FLRT2: variants seen among roughly 807,000 people sequenced by gnomAD.
FLRT2 encodes fibronectin leucine rich transmembrane protein 2.
FLRT2 carries 15 observed loss-of-function variants against 40.0 expected under a neutral mutation model. The observed-to-expected ratio is 0.38, with a 90% CI of 0.25 to 0.58. The LOEUF is 0.58. FLRT2 is among the 20% of genes least tolerant of loss of function. FLRT2 has a pLI of 0.71. For synonymous variants in FLRT2, 380 were observed against 336.8 expected (o/e 1.13, Z -1.41); for missense variants, 726 against 840.0 (o/e 0.86, Z 1.68).
At chr14:85,569,833 A>T (rs1890807625) in intron 1 of FLRT2, among the ~76,000 whole-genome samples, 1 of 152,230 alleles carries the variant, frequency 6.6e-6, no homozygotes, top group Admixed American at 6.5e-5. Flanking sequence ...CAAAAAAATG[A>T]TGACAAGTGT....
chr14:85,615,594 T>C (rs140608764), intron 1 of FLRT2, among the ~76,000 whole-genome samples: 3 of 147,808 alleles, frequency 2.0e-5, no homozygotes, highest in African/African-American at 7.6e-5. Flanking sequence ...TGAAGTTTAG[T>C]GAATGAGATA....
chr14:85,647,726 A>G lies in FLRT2; in HGVS notation c.*24229A>G, dbSNP rs888138794. The G allele has an allele frequency of 6.6e-6, 1 of 152,178 alleles. No individual in the cohort carries two copies. The highest frequency in any genetic ancestry group is 2.4e-5 in the African/African-American group (1 of 41,448). The allele number at this position is 152,178 out of a possible 1,614,324, so 9.4% of individuals were successfully genotyped here. ...TACAGAAACATCTCTAAGAACTTCCATGCTTTTTTGTCAAGTTAAATGGAC... is the reference window on the plus strand; with the variant it reads ...TACAGAAACATCTCTAAGAACTTCCGTGCTTTTTTGTCAAGTTAAATGGAC... On this transcript the variant is annotated 3_prime_UTR_variant, in exon 2 of 2. Transcript: ENST00000330753.
Position 85,609,110 on chromosome 14 carries a change from G to C in FLRT2, c.-376-12029G>C, listed in dbSNP as rs537706000. Among the ~76,000 whole-genome samples the C allele has an allele frequency of 2.9e-4, 44 of 152,226 alleles. No individual in the cohort carries two copies. The Middle Eastern group carries it at 0.014, about 47-fold the overall frequency. ...AGAGGCTTTGCACACAGACACCCCA[G>C]CTCTGCACTCCTCCTTCCCAATCCG... On this transcript the variant is annotated intron_variant, in intron 1 of 1. Coordinates refer to ENST00000330753, the MANE Select transcript of FLRT2 (RefSeq NM_013231.6).
In FLRT2 at chr14:85,653,841, G is replaced by A. The variant is rs2139414280; in HGVS notation, c.*30344G>A. On this transcript the variant is annotated 3_prime_UTR_variant, in exon 2 of 2. Transcript: ENST00000330753. ...TTAAAGACATTAAGAACTGAGCTGA[G>A]TAACAAACTTTCTAGAAATGAATGA... 6.6e-6 allele frequency: 1 copy of A among 152,256 alleles called. No homozygotes were observed. The highest frequency in any genetic ancestry group is 1.5e-5 in the Non-Finnish European group (1 of 68,012). 9.4% of individuals were successfully genotyped at this position (152,256 alleles called of 1,614,324 possible). A position where few individuals can be genotyped will look rare whatever the true frequency, so the allele number is the denominator to read the frequency against.
rs1403328608 is a variant in FLRT2, at chr14:85,642,547, T to TA, written c.*19054dup. 1 of 150,080 alleles carries TA rather than the reference T, an allele frequency of 6.7e-6. No individual in the cohort carries two copies. The highest frequency in any genetic ancestry group is 6.6e-5 in the Admixed American group (1 of 15,246). The allele number at this position is 150,080 out of a possible 1,614,324, so 9.3% of individuals were successfully genotyped here. A position where few individuals can be genotyped will look rare whatever the true frequency, so the allele number is the denominator to read the frequency against. ...GAAGTATAAACTGGGAAGAAAAGGC[T>TA]AAAATAACAACAAAAAAACGGCAAT... is the stretch of plus-strand genomic sequence containing the variant. On this transcript the variant is annotated 3_prime_UTR_variant, in exon 2 of 2. Transcript: ENST00000330753.
chr14:85,532,913 C>A (rs1054704231), intron 1 of FLRT2, among the ~76,000 whole-genome samples: 2 of 152,198 alleles, frequency 1.3e-5, no homozygotes, highest in African/African-American at 4.8e-5. Context: ...ATTCTCCTTT[C>A]AGGGTTCAGA....
intron 1 of FLRT2, among the ~76,000 whole-genome samples, chr14:85,533,335 C>T (rs1343883834): frequency 6.6e-6 from 1 of 151,868 alleles, no homozygotes; most frequent in Non-Finnish European, 1.5e-5. Flanking sequence ...AGCCCGGCCG[C>T]GTCGGATTGA....
chr14:85,575,546 AGGGTAGTCAGT>A (rs1035820654), intron 1 of FLRT2, among the ~76,000 whole-genome samples: 15 of 152,300 alleles, frequency 9.8e-5, no homozygotes, highest in African/African-American at 3.4e-4. Flanking sequence ...TCCCAGGCAA[AGGGTAGTCAGT>A]GGGGAAATGA....
intron 1 of FLRT2, chr14:85,560,780 G>A (rs1890263287): frequency 6.6e-6 from 1 of 151,614 alleles, no homozygotes; most frequent in Non-Finnish European, 1.5e-5. Context: ...ATGCCAGTAT[G>A]GCTAGCCTGC....
In FLRT2 at chr14:85,624,767, T is replaced by C. The variant is rs1042134667; in HGVS notation, c.*1270T>C. 6.0e-6 allele frequency: 1 copy of C among 167,052 alleles called. No homozygotes were observed. The highest frequency in any genetic ancestry group is 1.5e-5 in the Non-Finnish European group (1 of 68,130). The allele number at this position is 167,052 out of a possible 1,614,324, so 10.3% of individuals were successfully genotyped here. A position where few individuals can be genotyped will look rare whatever the true frequency, so the allele number is the denominator to read the frequency against. ...GCACAAGATATCCATTACGTACTTA[T>C]ACATTTTAAAATGAGTACTAATTTT... On this transcript the variant is annotated 3_prime_UTR_variant, in exon 2 of 2. Transcript: ENST00000330753.
chr14:85,609,558 C>A (rs935917174), intron 1 of FLRT2, among the ~76,000 whole-genome samples: 1 of 152,194 alleles, frequency 6.6e-6, no homozygotes, highest in African/African-American at 2.4e-5. Context: ...GACCTCTTGA[C>A]CCTGAATACC....
rs1894064254 is a variant in FLRT2 at position 85,638,483 on chromosome 14, C to A, written c.*14986C>A. Reference sequence around the variant, plus strand: ...TGGCTTTACTTCTCCCTCTACCAGTCCTGGTTCTTCATAGCCTTCCACAGG... The same window carrying A: ...TGGCTTTACTTCTCCCTCTACCAGTACTGGTTCTTCATAGCCTTCCACAGG... On this transcript the variant is annotated 3_prime_UTR_variant, in exon 2 of 2. Coordinates refer to ENST00000330753, the MANE Select transcript of FLRT2 (RefSeq NM_013231.6). The A allele has an allele frequency of 6.6e-6, 1 of 152,370 alleles. No individual in the cohort carries two copies. The allele number at this position is 152,370 out of a possible 1,614,324, so 9.4% of individuals were successfully genotyped here. A position where few individuals can be genotyped will look rare whatever the true frequency, so the allele number is the denominator to read the frequency against.
Position 85,634,269 on chromosome 14 carries a change from T to A in FLRT2, c.*10772T>A, listed in dbSNP as rs1893950160. The A allele has an allele frequency of 6.6e-6, 1 of 152,220 alleles. No individual in the cohort carries two copies. The highest frequency in any genetic ancestry group is 2.4e-5 in the African/African-American group (1 of 41,444). 9.4% of individuals were successfully genotyped at this position (152,220 alleles called of 1,614,324 possible). A position where few individuals can be genotyped will look rare whatever the true frequency, so the allele number is the denominator to read the frequency against. ...TTTTTCAGTCCTTGACTGCATGATT[T>A]AATTGGTTTCAGGACAGTTATTTGG... is the stretch of plus-strand genomic sequence containing the variant. On this transcript the variant is annotated 3_prime_UTR_variant, in exon 2 of 2. Coordinates refer to ENST00000330753, the MANE Select transcript of FLRT2 (RefSeq NM_013231.6).
chr14:85,597,375 A>G (rs1448300881), intron 1 of FLRT2, among the ~76,000 whole-genome samples: 3 of 152,204 alleles, frequency 2.0e-5, no homozygotes, highest in Non-Finnish European at 2.9e-5. Flanking sequence ...TGATTTCTTT[A>G]TGAGAAAATA....
chr14:85,552,797 G>A (rs1889718998), intron 1 of FLRT2: 1 of 152,172 alleles, frequency 6.6e-6, no homozygotes, highest in Non-Finnish European at 1.5e-5. Context: ...TGGCGCCTTT[G>A]ATGTGAGGAG....
At chr14:85,616,334 AC>A (rs1452299698) in intron 1 of FLRT2, among the ~76,000 whole-genome samples, 2 of 150,876 alleles carry the variant, frequency 1.3e-5, no homozygotes, top group East Asian at 1.9e-4. Flanking sequence ...AAAAAAAAAA[AC>A]CCTTTTCCTT....
chr14:85,544,441 C>T (rs1386864043), intron 1 of FLRT2, among the ~76,000 whole-genome samples: 3 of 152,176 alleles, frequency 2.0e-5, no homozygotes, highest in African/African-American at 7.2e-5. Flanking sequence ...TTAACAAGAG[C>T]AAAGCAAAGG....
At chr14:85,533,340 G>T (rs915124537) in intron 1 of FLRT2, among the ~76,000 whole-genome samples, 3 of 151,918 alleles carry the variant, frequency 2.0e-5, no homozygotes, top group Non-Finnish European at 4.4e-5. Flanking sequence ...GGCCGCGTCG[G>T]ATTGAGGCAG....
intron 1 of FLRT2, among the ~76,000 whole-genome samples, chr14:85,616,599 A>G (rs1054407751): frequency 6.6e-6 from 1 of 151,988 alleles, no homozygotes; most frequent in Non-Finnish European, 1.5e-5. Flanking sequence ...CAGAACTTAC[A>G]TTTCTTCCCT....
Sources: allele counts gnomAD v4.1 joint callset (sites outside exome capture counted in the v4.1 genomes callset), GRCh38; gene constraint gnomAD v4.1.1; transcripts MANE v1.5; gene names NCBI Gene and HGNC (gene_info 2026-07-23, HGNC 2026-07-21).